Variants in AK8 observed in about 807,000 individuals in gnomAD.
AK8 encodes ATP-AMP transphosphorylase 8.
AK8 carries 44 observed loss-of-function variants against 54.6 expected under a neutral mutation model. The observed-to-expected ratio is 0.81, with a 90% CI of 0.63 to 1.04. The LOEUF is 1.04. Ranked by LOEUF, AK8 falls within the 50% of genes least tolerant of loss-of-function variation. The probability of loss-of-function intolerance (pLI) is 0.00; values close to 1 mark genes in which losing one functional copy is unlikely to be tolerated. For missense variants in AK8, 555 were observed against 613.6 expected, an observed-to-expected ratio of 0.90 and a Z score of 1.01; for synonymous variants, 239 against 245.6, an observed-to-expected ratio of 0.97 and a Z score of 0.25.
chr9:132,853,023 A>G (rs1156330789), intron 5 of AK8, among the ~76,000 whole-genome samples: 1 of 152,056 alleles, frequency 6.6e-6, no homozygotes, highest in Non-Finnish European at 1.5e-5. Flanking sequence ...GAATAAGCCC[A>G]AAGAAATTCA....
In AK8 at chr9:132,776,434, G is replaced by A. The variant is rs116389424; in HGVS notation, c.1121+16200C>T. Among the ~76,000 whole-genome samples, 523 of 152,340 alleles carry A rather than the reference G, an allele frequency of 3.4e-3. 2 individuals carry two copies. Among genetic ancestry groups the A allele is most frequent in the African/African-American group, 0.012 (504 of 41,572 alleles). On this transcript the variant is annotated intron_variant, in intron 11 of 12. Coordinates refer to ENST00000298545, the MANE Select transcript of AK8 (RefSeq NM_152572.3). ...GCACGAGGCCTGCTCTGAGAGTCCCGAGAGTCCTGTTGGTCAGAGTGTGCT... is the reference window on the plus strand; with the variant it reads ...GCACGAGGCCTGCTCTGAGAGTCCCAAGAGTCCTGTTGGTCAGAGTGTGCT...
chr9:132,764,179 G>A (rs921829647), intron 11 of AK8, among the ~76,000 whole-genome samples: 5 of 152,086 alleles, frequency 3.3e-5, no homozygotes, highest in African/African-American at 1.2e-4. Context: ...GTGTGTTGGT[G>A]TGCACCTATA....
At chr9:132,847,864 C>T (rs1842811382) in intron 5 of AK8, among the ~76,000 whole-genome samples, 1 of 151,802 alleles carries the variant, frequency 6.6e-6, no homozygotes, top group Non-Finnish European at 1.5e-5. Context: ...GCCTGTGATC[C>T]CAGCTACTCA....
At chr9:132,804,104 C>CAAAAA (rs200556575) in intron 10 of AK8, among the ~76,000 whole-genome samples, 2 of 93,264 alleles carry the variant, frequency 2.1e-5, no homozygotes, top group African/African-American at 3.9e-5. Flanking sequence ...GACTCCATCT[C>CAAAAA]AAAAAAAAAA....
At chr9:132,764,551 A>T (rs1268802872) in intron 11 of AK8, among the ~76,000 whole-genome samples, 1 of 152,212 alleles carries the variant, frequency 6.6e-6, no homozygotes, top group Non-Finnish European at 1.5e-5. Flanking sequence ...GCACCAACAA[A>T]CTGGAAAATC....
intron 4 of AK8, 107 bp from the exon 5 acceptor site, chr9:132,855,032 C>T (rs1843121599): frequency 7.1e-6 from 8 of 1,132,464 alleles, no homozygotes; most frequent in South Asian, 6.5e-5. Context: ...TGGAAAGCAC[C>T]GACCACCATC....
intron 11 of AK8, among the ~76,000 whole-genome samples, chr9:132,774,387 G>GT (rs934733996): frequency 1.3e-5 from 2 of 152,124 alleles, no homozygotes; most frequent in South Asian, 4.1e-4. Flanking sequence ...TTTCTTAAAA[G>GT]TTTTTTTATA....
intron 11 of AK8, among the ~76,000 whole-genome samples, chr9:132,789,495 G>A (rs935883467): frequency 6.8e-6 from 1 of 147,608 alleles, no homozygotes; most frequent in East Asian, 2.1e-4. Context: ...TACTCAGGAG[G>A]AGGAGGCAGG....
At chr9:132,756,269 C>T (rs1298486201) in intron 11 of AK8, among the ~76,000 whole-genome samples, 2 of 152,208 alleles carry the variant, frequency 1.3e-5, no homozygotes, top group Admixed American at 6.5e-5. Flanking sequence ...AAAAAAGAAG[C>T]TCCCAGGTTC....
chr9:132,817,317 G>A (rs1199430545), intron 9 of AK8, among the ~76,000 whole-genome samples: 1 of 152,194 alleles, frequency 6.6e-6, no homozygotes, highest in Non-Finnish European at 1.5e-5. Context: ...GAAACACAAT[G>A]TCTAGCATTT....
At chr9:132,745,423 G>C (rs77988849) in intron 11 of AK8, among the ~76,000 whole-genome samples, 1 of 152,220 alleles carries the variant, frequency 6.6e-6, no homozygotes, top group East Asian at 1.9e-4. Context: ...AATTGTGTGC[G>C]TCCGTGTCGC....
intron 8 of AK8, 84 bp from the exon 9 acceptor site, chr9:132,823,420 T>TAA (rs1841738669): frequency 6.5e-7 from 1 of 1,548,252 alleles, no homozygotes; most frequent in Non-Finnish European, 8.9e-7. Context: ...TTGACTCTTT[T>TAA]AACGGCAGTA....
intron 11 of AK8, among the ~76,000 whole-genome samples, chr9:132,767,511 C>A (rs999325210): frequency 5.9e-5 from 9 of 151,990 alleles, no homozygotes; most frequent in Non-Finnish European, 8.8e-5. Flanking sequence ...GTTAGCGGGG[C>A]TGTAAATTAG....
intron 2 of AK8, among the ~76,000 whole-genome samples, chr9:132,873,895 A>T (rs1843968371): frequency 6.6e-6 from 1 of 152,152 alleles, no homozygotes; most frequent in Non-Finnish European, 1.5e-5. Flanking sequence ...AAAACCTCCC[A>T]CCTGTACCAT....
At chr9:132,744,118 C>T (rs1006152274) in intron 11 of AK8, among the ~76,000 whole-genome samples, 1 of 152,086 alleles carries the variant, frequency 6.6e-6, no homozygotes, top group Non-Finnish European at 1.5e-5. Flanking sequence ...TCCCCCGTTA[C>T]GTAGGGGGTG....
At chr9:132,793,935 C>T (rs1048193346) in intron 10 of AK8, among the ~76,000 whole-genome samples, 7 of 152,172 alleles carry the variant, frequency 4.6e-5, no homozygotes, top group African/African-American at 1.4e-4. Context: ...GGGGGTCTGG[C>T]AAGCGGGCCT....
intron 5 of AK8, among the ~76,000 whole-genome samples, chr9:132,840,504 G>A (rs1842499966): frequency 6.6e-6 from 1 of 151,666 alleles, no homozygotes; most frequent in Non-Finnish European, 1.5e-5. Flanking sequence ...AAATTTCACT[G>A]ATTTTTTTCC....
chr9:132,748,759 C>A (rs530240221), intron 11 of AK8, among the ~76,000 whole-genome samples: 3 of 151,924 alleles, frequency 2.0e-5, no homozygotes, highest in African/African-American at 7.2e-5. Context: ...AGTTTGCAAT[C>A]GGCAAAGGGA....
chr9:132,752,045 T>C (rs1337636975), intron 11 of AK8, among the ~76,000 whole-genome samples: 1 of 151,966 alleles, frequency 6.6e-6, no homozygotes, highest in Non-Finnish European at 1.5e-5. Context: ...TTTCATCATG[T>C]TGGTCAGGCT....
Sources: allele counts gnomAD v4.1 joint callset (sites outside exome capture counted in the v4.1 genomes callset), GRCh38; gene constraint gnomAD v4.1.1; transcripts MANE v1.5; gene names NCBI Gene and HGNC (gene_info 2026-07-23, HGNC 2026-07-21).